The following C5 variants were observed in gnomAD, a reference collection of about 807,000 sequenced individuals.
C5 encodes the protein C3 and PZP-like alpha-2-macroglobulin domain-containing protein 4.
Under a neutral mutation model 218.8 loss-of-function variants are expected in C5, and 140 were observed. That is an observed-to-expected ratio of 0.64 (90% CI 0.56 to 0.74). The LOEUF (loss-of-function observed/expected upper bound fraction) is 0.74. Among genes scored for constraint, C5 ranks in the 30% least tolerant of loss-of-function variants. The pLI is 0.00. For synonymous variants in C5, 614 were observed against 682.3 expected, an observed-to-expected ratio of 0.90 and a Z score of 1.56; for missense variants, 1,700 against 1,969.6, an observed-to-expected ratio of 0.86 and a Z score of 2.59.
intron 17 of C5, among the ~76,000 whole-genome samples, chr9:121,012,799 C>G (rs1318254531): frequency 6.6e-6 from 1 of 152,136 alleles, no homozygotes; most frequent in Non-Finnish European, 1.5e-5. Flanking sequence ...GGCTACAAAC[C>G]TGTACAGCAT....
At chr9:120,954,385 A>T (rs146751190) in intron 39 of C5, among the ~76,000 whole-genome samples, 1 of 152,362 alleles carries the variant, frequency 6.6e-6, no homozygotes, top group East Asian at 1.9e-4. Flanking sequence ...AACTTCAAAG[A>T]TAGTAATTTT....
At position 120,976,590 on chromosome 9, in the gene C5, T is replaced by C. The variant is rs908967781; in HGVS notation, c.3864+110A>G. The C allele has an allele frequency of 2.0e-5, 17 of 870,646 alleles. No individual in the cohort carries two copies. The African/African-American group carries it at 2.6e-4, about 14-fold the overall frequency. 53.9% of individuals were successfully genotyped at this position (870,646 alleles called of 1,614,324 possible). On this transcript the variant is annotated intron_variant, in intron 29 of 40. Coordinates refer to ENST00000223642, the MANE Select transcript of C5 (RefSeq NM_001735.3). The stretch of plus-strand genomic sequence containing the variant: ...GTCCTTCAATTCTAGGCATTATTCA[T>C]ATCTATTGCATGCTCATTTGGTGGA...
At chr9:121,052,805 A>G (rs889047221), upstream of C5, among the ~76,000 whole-genome samples, 27 of 152,200 alleles carry the variant, frequency 1.8e-4, no homozygotes, top group African/African-American at 6.5e-4. Flanking sequence ...TGTATCTTTC[A>G]AATGGATATT....
intron 2 of C5, 110 bp from the exon 3 acceptor site, chr9:121,043,276 A>C: frequency 1.1e-6 from 1 of 941,298 alleles, no homozygotes; most frequent in South Asian, 1.5e-5. Flanking sequence ...TGTATATGTA[A>C]TCATTTAAAA....
the C5 span, among the ~76,000 whole-genome samples, chr9:121,063,917 A>G: frequency 6.6e-6 from 1 of 152,164 alleles, no homozygotes; most frequent in Non-Finnish European, 1.5e-5. Context: ...TCCAAAATCT[A>G]GTTAACTTTT....
intron 1 of C5, among the ~76,000 whole-genome samples, chr9:121,047,355 T>A (rs2047636449): frequency 6.6e-6 from 1 of 152,230 alleles, no homozygotes; most frequent in South Asian, 2.1e-4. Context: ...ATGTGATTTA[T>A]ACAATAATGG....
chr9:120,998,045 C>T (rs13301421), intron 20 of C5, among the ~76,000 whole-genome samples: 55,844 of 151,908 alleles, frequency 0.37, 12,745 homozygotes, highest in South Asian at 0.63. Context: ...TCAGGTGATC[C>T]GCCCACCTCA....
chr9:120,982,797 A>T lies in C5; in HGVS notation c.3248T>A (p.Leu1083Ter). Reference protein sequence around the residue: ...SASTWLTAFALRVLGQVNKYV... With the variant: ...SASTWLTAFA ...TTTATTTACTTGTCCAAGTACTCTTAAAGCAAAAGCTGTTAACCTTTAAGA... is the reference window on the plus strand; with the variant it reads ...TTTATTTACTTGTCCAAGTACTCTTTAAGCAAAAGCTGTTAACCTTTAAGA... Residue 1083 changes from leucine (L) to a stop codon, truncating the protein, a stop_gained, in exon 26 of 41, where the codon TTA (leucine) becomes TAA (stop). Transcript: ENST00000223642. LOFTEE classifies it high-confidence loss of function. 1 of 1,586,940 alleles carries T rather than the reference A, an allele frequency of 6.3e-7. No homozygotes were observed. The highest frequency in any genetic ancestry group is 8.6e-7 in the Non-Finnish European group (1 of 1,157,134).
chr9:120,993,548 G>C (rs1484354117), intron 22 of C5, among the ~76,000 whole-genome samples: 2 of 151,970 alleles, frequency 1.3e-5, no homozygotes, highest in Non-Finnish European at 2.9e-5. Context: ...TCAGCCTCCC[G>C]AGTAGCTGGG....
At chr9:121,047,445 AGT>A (rs944662896) in intron 1 of C5, among the ~76,000 whole-genome samples, 1 of 152,340 alleles carries the variant, frequency 6.6e-6, no homozygotes, top group Non-Finnish European at 1.5e-5. Context: ...TGGATTACTA[AGT>A]GTATATCACA....
At chr9:120,972,483 G>A (rs1394644699) in intron 30 of C5, among the ~76,000 whole-genome samples, 1 of 152,072 alleles carries the variant, frequency 6.6e-6, no homozygotes, top group Non-Finnish European at 1.5e-5. Flanking sequence ...TCCATCTCTT[G>A]ATGATTTATC....
intron 38 of C5, among the ~76,000 whole-genome samples, chr9:120,958,802 T>C (rs2046805157): frequency 6.6e-6 from 1 of 152,066 alleles, no homozygotes; most frequent in African/African-American, 2.4e-5. Flanking sequence ...TAATACTCTG[T>C]TACATTTTTT....
chr9:121,071,692 A>G, the C5 span, among the ~76,000 whole-genome samples: 13 of 152,206 alleles, frequency 8.5e-5, no homozygotes, highest in Non-Finnish European at 1.9e-4. Flanking sequence ...CTTAAAAAAC[A>G]AAACAACAAA....
At chr9:120,954,834 G>A (rs140434052) in intron 39 of C5, among the ~76,000 whole-genome samples, 18 of 152,324 alleles carry the variant, frequency 1.2e-4, no homozygotes, top group African/African-American at 4.1e-4. Flanking sequence ...ATTAGTTCAA[G>A]CTGATTTCTT....
intron 39 of C5, among the ~76,000 whole-genome samples, chr9:120,956,181 C>G (rs964953872): frequency 6.6e-6 from 1 of 152,066 alleles, no homozygotes; most frequent in African/African-American, 2.4e-5. Context: ...GTAATCCCAG[C>G]TACTCAGGAG....
the C5 span, among the ~76,000 whole-genome samples, chr9:121,071,512 C>T: frequency 6.6e-6 from 1 of 152,082 alleles, no homozygotes; most frequent in Non-Finnish European, 1.5e-5. Context: ...CAGCAAGACC[C>T]CATCTTTACA....
Position 120,963,693 on chromosome 9 carries a change from C to G in C5, c.4266G>C (p.Ala1422=), listed in dbSNP as rs12237774. 1 of 1,613,404 alleles carries G rather than the reference C, an allele frequency of 6.2e-7. No homozygotes were observed. Residue 1422 remains alanine, a synonymous_variant, in exon 34 of 41, where the codon GCG becomes GCC. Coordinates refer to ENST00000223642, the MANE Select transcript of C5 (RefSeq NM_001735.3). ...REESSSGSSH[A]VMDISLPTGI... is the part of the protein sequence containing the mutation. The stretch of plus-strand genomic sequence containing the variant: ...CAGTAGGCAAGGAGATGTCCATCAC[C>G]GCATGAGAGGATCCAGATGATGATT...
At chr9:121,045,328 C>T (rs573419392) in intron 2 of C5, among the ~76,000 whole-genome samples, 1 of 151,970 alleles carries the variant, frequency 6.6e-6, no homozygotes, top group African/African-American at 2.4e-5. Context: ...TTATTTATAA[C>T]ATAATCAAAA....
In C5 at chr9:120,962,901, G is replaced by C. The variant is rs777301249; in HGVS notation, c.4390C>G (p.Leu1464Val). 6.2e-7 allele frequency: 1 copy of C among 1,613,794 alleles called. No individual in the cohort carries two copies. The highest frequency in any genetic ancestry group is 1.7e-5 in the Admixed American group (1 of 60,002). The change falls in exon 35 of 41, where the codon CTG becomes GTG. Residue 1464 changes from leucine to valine, a missense_variant. Leu to Val is a conservative substitution (Grantham distance 32). Transcript: ENST00000223642. ...QIKDGHVILQ[L>V]NSIPSSDFLC... is the part of the protein sequence containing the mutation. ...TTGCAGGTGGAGCTTACCGAATTCA[G>C]TTGCAGAATAACATGTCCATCTTTG...
Sources: gnomAD v4.1 joint callset for allele counts (sites outside exome capture counted in the v4.1 genomes callset) on GRCh38, gnomAD v4.1.1 for gene constraint, MANE v1.5 for transcripts, NCBI Gene and HGNC (gene_info 2026-07-23, HGNC 2026-07-21) for gene names.